CEP112: variants seen among roughly 807,000 people sequenced by gnomAD.
CEP112 encodes the protein centrosomal protein 112.
CEP112 carries 127 observed loss-of-function variants against 153.0 expected under a neutral mutation model. The observed-to-expected ratio is 0.83, with a 90% CI of 0.72 to 0.96. CEP112 has a LOEUF of 0.96. CEP112 is among the 40% of genes least tolerant of loss of function. The probability of loss-of-function intolerance (pLI) is 0.00; values close to 1 mark genes in which losing one functional copy is unlikely to be tolerated. For missense variants in CEP112, 1,089 were observed against 1,101.2 expected, an observed-to-expected ratio of 0.99 and a Z score of 0.16; for synonymous variants, 358 against 374.4, an observed-to-expected ratio of 0.96 and a Z score of 0.51.
At chr17:66,164,050 C>A (rs531350322) in intron 4 of CEP112, among the ~76,000 whole-genome samples, 1 of 152,284 alleles carries the variant, frequency 6.6e-6, no homozygotes, top group East Asian at 1.9e-4. Context: ...TGCCACTTGG[C>A]CTCATCTTAG....
rs192062705 is a variant in CEP112, at chr17:65,999,969, A to G, written c.1736+5721T>C. On this transcript the variant is annotated intron_variant, in intron 17 of 26. Coordinates refer to ENST00000535342, the MANE Select transcript of CEP112 (RefSeq NM_001199165.4). Reference sequence around the variant, plus strand: ...TCACATTTTCTTCATATAATCTATCACTAATAGGCATTTAGGTTGATTCCA... The same window carrying G: ...TCACATTTTCTTCATATAATCTATCGCTAATAGGCATTTAGGTTGATTCCA... Among the ~76,000 whole-genome samples the G allele has an allele frequency of 5.3e-5, 8 of 152,226 alleles. No homozygotes were observed. The East Asian group carries it at 1.5e-3, about 29-fold the overall frequency.
chr17:65,730,351 A>C (rs967553738), intron 23 of CEP112, among the ~76,000 whole-genome samples: 1 of 152,200 alleles, frequency 6.6e-6, no homozygotes, highest in African/African-American at 2.4e-5. Flanking sequence ...ATTCACAGCC[A>C]CAGCATATCC....
At chr17:65,857,265 GAAC>G (rs749998753) in intron 20 of CEP112, among the ~76,000 whole-genome samples, 1 of 152,094 alleles carries the variant, frequency 6.6e-6, no homozygotes, top group Non-Finnish European at 1.5e-5. Flanking sequence ...AAACAAAACA[GAAC>G]AACAACAACA....
intron 4 of CEP112, among the ~76,000 whole-genome samples, chr17:66,168,347 C>T (rs2072070722): frequency 6.6e-6 from 1 of 151,728 alleles, no homozygotes; most frequent in Non-Finnish European, 1.5e-5. Flanking sequence ...TTCTTTTTAA[C>T]TTTATCCTAT....
chr17:65,844,671 T>C (rs1470584153), intron 21 of CEP112, among the ~76,000 whole-genome samples: 10 of 140,528 alleles, frequency 7.1e-5, no homozygotes, highest in Admixed American at 2.2e-4. Flanking sequence ...AGGAAGACTC[T>C]ATCTCAAAAA....
intron 25 of CEP112, among the ~76,000 whole-genome samples, chr17:65,638,106 T>C (rs919322379): frequency 9.2e-5 from 14 of 152,200 alleles, no homozygotes; most frequent in Admixed American, 3.9e-4. Flanking sequence ...GAAACAACTA[T>C]AGAAACCGCC....
intron 24 of CEP112, among the ~76,000 whole-genome samples, chr17:65,645,983 T>C (rs952354893): frequency 6.6e-6 from 1 of 152,220 alleles, no homozygotes; most frequent in Non-Finnish European, 1.5e-5. Flanking sequence ...TGGGGGCCTA[T>C]GTCCCTCAGT....
intron 21 of CEP112, among the ~76,000 whole-genome samples, chr17:65,847,096 G>A (rs922819660): frequency 4.6e-5 from 7 of 152,096 alleles, no homozygotes; most frequent in South Asian, 4.1e-4. Flanking sequence ...GACAAAAACC[G>A]AACTCATCGC....
chr17:65,709,095 C>T (rs2049050939), intron 23 of CEP112, among the ~76,000 whole-genome samples: 1 of 152,190 alleles, frequency 6.6e-6, no homozygotes, highest in South Asian at 2.1e-4. Flanking sequence ...TCACTCTCAT[C>T]TCCCTTCTGC....
At chr17:65,973,273 T>G (rs1599220177) in intron 17 of CEP112, among the ~76,000 whole-genome samples, 2 of 152,158 alleles carry the variant, frequency 1.3e-5, no homozygotes, top group African/African-American at 4.8e-5. Flanking sequence ...TCATCAAAAT[T>G]AAAAACACCT....
chr17:65,823,287 T>C (rs1391309562), intron 21 of CEP112, among the ~76,000 whole-genome samples: 1 of 152,110 alleles, frequency 6.6e-6, no homozygotes. Context: ...AGACTGACTA[T>C]AAAAGCTACA....
chr17:65,996,588 C>T (rs76988134), intron 17 of CEP112, among the ~76,000 whole-genome samples: 4 of 152,170 alleles, frequency 2.6e-5, no homozygotes, highest in Admixed American at 6.5e-5. Context: ...CACGGGCTCA[C>T]CACTGTCCCA....
intron 18 of CEP112, among the ~76,000 whole-genome samples, chr17:65,935,168 G>C (rs1052828242): frequency 2.0e-5 from 3 of 152,168 alleles, no homozygotes; most frequent in African/African-American, 7.2e-5. Flanking sequence ...TGTAAAATGA[G>C]AAACAGAAGG....
At chr17:65,742,641 C>T (rs1233007666) in intron 23 of CEP112, among the ~76,000 whole-genome samples, 2 of 152,150 alleles carry the variant, frequency 1.3e-5, no homozygotes, top group African/African-American at 2.4e-5. Flanking sequence ...TTCCAAGCAT[C>T]GAACAGGTTA....
chr17:66,159,264 C>G (rs1254080234), intron 4 of CEP112, among the ~76,000 whole-genome samples: 2 of 152,166 alleles, frequency 1.3e-5, no homozygotes, highest in Non-Finnish European at 2.9e-5. Context: ...CGAATTCTAC[C>G]ATAGGTGCAA....
intron 24 of CEP112, among the ~76,000 whole-genome samples, chr17:65,645,031 T>C (rs2045358726): frequency 6.6e-6 from 1 of 152,118 alleles, no homozygotes; most frequent in South Asian, 2.1e-4. Context: ...TCCTGAGACA[T>C]TGTGTGCCCT....
chr17:65,885,773 G>T (rs4291948), intron 20 of CEP112, among the ~76,000 whole-genome samples: 123,418 of 152,178 alleles, frequency 0.81, 51,403 homozygotes, highest in Non-Finnish European at 0.91. Flanking sequence ...TGCAGTGACA[G>T]GTATATTGAA....
chr17:65,976,953 G>A (rs2063059577), intron 17 of CEP112, among the ~76,000 whole-genome samples: 1 of 151,936 alleles, frequency 6.6e-6, no homozygotes, highest in African/African-American at 2.4e-5. Flanking sequence ...TGGCCAGGCT[G>A]TCTCAAACTC....
chr17:66,129,997 G>T (rs914080795), intron 5 of CEP112, among the ~76,000 whole-genome samples, 174 bp from the exon 6 acceptor site: 1 of 151,662 alleles, frequency 6.6e-6, no homozygotes, highest in African/African-American at 2.4e-5. Context: ...GGGAAAGAGG[G>T]GGAAGGGAGG....
Sources: allele counts gnomAD v4.1 joint callset (sites outside exome capture counted in the v4.1 genomes callset), GRCh38; gene constraint gnomAD v4.1.1; transcripts MANE v1.5; gene names NCBI Gene and HGNC (gene_info 2026-07-23, HGNC 2026-07-21).